Variants in NPNT observed in about 807,000 individuals in gnomAD.
NPNT encodes the protein nephronectin.
A neutral mutation model predicts 68.6 loss-of-function variants in NPNT; 45 were observed. That is an observed-to-expected ratio of 0.66 (90% CI 0.52 to 0.84). The LOEUF is 0.84. Among genes scored for constraint, NPNT ranks in the 40% least tolerant of loss-of-function variants. NPNT has a pLI of 0.00. For synonymous variants in NPNT, 233 were observed against 253.3 expected (o/e 0.92, Z 0.76); for missense variants, 672 against 714.8 (o/e 0.94, Z 0.68).
intron 3 of NPNT, among the ~76,000 whole-genome samples, chr4:105,931,641 G>A (rs530570821): frequency 1.4e-5 from 2 of 144,346 alleles, no homozygotes; most frequent in South Asian, 4.5e-4. Flanking sequence ...TGGCTAACAC[G>A]GTGAAACCCC....
At chr4:105,910,091 A>G (rs1192342589) in intron 2 of NPNT, among the ~76,000 whole-genome samples, 1 of 152,100 alleles carries the variant, frequency 6.6e-6, no homozygotes, top group Admixed American at 6.6e-5. Context: ...TCAGTTCTTT[A>G]AAGTTTCTTA....
In NPNT at chr4:105,959,086, A is replaced by C. The variant is rs1167685704; in HGVS notation, c.1305A>C (p.Lys435Asn). The C allele has an allele frequency of 6.2e-7, 1 of 1,613,686 alleles. No individual in the cohort carries two copies. Among genetic ancestry groups the C allele is most frequent in the Admixed American group, 1.7e-5 (1 of 60,016 alleles). The stretch of plus-strand genomic sequence containing the variant: ...GACTTTGTGGATGGATCAGGGAGAA[A>C]GACAATGACTTGCACTGGGAACCAA... The part of the protein sequence containing the change: ...DHGLCGWIRE[K>N]DNDLHWEPIR... The change falls in exon 10 of 12, where the codon AAA (lysine) becomes AAC (asparagine). Residue 435 changes from lysine to asparagine, a missense_variant. By Grantham distance (94) the Lys-to-Asn change is moderately conservative. Transcript: ENST00000379987.
At chr4:105,903,778 TCTTA>T (rs1464471406) in intron 2 of NPNT, among the ~76,000 whole-genome samples, 2 of 149,678 alleles carry the variant, frequency 1.3e-5, no homozygotes, top group Non-Finnish European at 1.5e-5. Context: ...TTATAGACCT[TCTTA>T]CTTTTTTTTT....
Position 105,906,311 on chromosome 4 carries a change from G to A in NPNT, c.172+8310G>A, listed in dbSNP as rs77693014. Among the ~76,000 whole-genome samples the A allele has an allele frequency of 7.4e-4, 112 of 152,312 alleles. 1 individual carries two copies. The East Asian group carries it at 0.018, about 24-fold the overall frequency. On this transcript the variant is annotated intron_variant, in intron 2 of 11. Coordinates refer to ENST00000379987, the MANE Select transcript of NPNT (RefSeq NM_001033047.3). ...CGAAGACTTTCACGTGGCCCTTTAC[G>A]GAGTGGGAGTGAATGATGGGATGGA...
chr4:105,947,195 G>A (rs1052391597), intron 8 of NPNT, among the ~76,000 whole-genome samples: 3 of 152,144 alleles, frequency 2.0e-5, no homozygotes, highest in African/African-American at 7.2e-5. Flanking sequence ...CCTTATGGTT[G>A]TCTTCCCTTG....
chr4:105,967,195 A>G lies in NPNT; in HGVS notation c.1353A>G (p.Gln451=), dbSNP rs544980902. 22 of 1,613,720 alleles carry G rather than the reference A, an allele frequency of 1.4e-5. No individual in the cohort carries two copies. The highest frequency in any genetic ancestry group is 5.5e-5 in the South Asian group (5 of 91,048). Residue 451 remains glutamine (Q), a synonymous_variant, in exon 11 of 12, where the codon CAA becomes CAG. Transcript: ENST00000379987. The part of the protein sequence containing the change: ...WEPIRDPAGG[Q]YLTVSAAKAP... ...CTGCTTTTCCCATTCCAGGTGGACA[A>G]TATCTGACAGTGTCGGCAGCCAAAG...
At chr4:105,961,621 C>T (rs1044251346) in intron 10 of NPNT, among the ~76,000 whole-genome samples, 2 of 152,116 alleles carry the variant, frequency 1.3e-5, no homozygotes, top group Non-Finnish European at 2.9e-5. Flanking sequence ...CCAAATCTCC[C>T]TTTCTCTCTG....
At chr4:105,911,346 C>G (rs1727347979) in intron 2 of NPNT, among the ~76,000 whole-genome samples, 1 of 151,910 alleles carries the variant, frequency 6.6e-6, no homozygotes, top group African/African-American at 2.4e-5. Context: ...TTATATTACC[C>G]AAAGGAAGGC....
chr4:105,947,344 G>C (rs2149384645), intron 8 of NPNT, among the ~76,000 whole-genome samples: 1 of 152,244 alleles, frequency 6.6e-6, no homozygotes, highest in South Asian at 2.1e-4. Flanking sequence ...AGTTTAAGAA[G>C]ATAATACGAT....
chr4:105,906,486 G>A (rs78712691), intron 2 of NPNT, among the ~76,000 whole-genome samples: 9,960 of 150,556 alleles, frequency 0.066, 798 homozygotes, highest in African/African-American at 0.2. Flanking sequence ...AGCATTATGT[G>A]CATAGCTTTC....
intron 3 of NPNT, among the ~76,000 whole-genome samples, chr4:105,932,188 G>A (rs1310107993): frequency 7.4e-6 from 1 of 135,688 alleles, no homozygotes; most frequent in Non-Finnish European, 1.6e-5. Flanking sequence ...ACGTGATAGT[G>A]TAGGGAAAAA....
intron 3 of NPNT, among the ~76,000 whole-genome samples, chr4:105,931,430 G>T (rs754638312): frequency 6.6e-6 from 1 of 151,990 alleles, no homozygotes; most frequent in African/African-American, 2.4e-5. Context: ...TAATTTTGTG[G>T]ACTAGTTACA....
At chr4:105,959,224 T>G in intron 10 of NPNT, 98 bp downstream of exon 10, 15 of 710,628 alleles carry the variant, frequency 2.1e-5, no homozygotes, top group Non-Finnish European at 3.3e-5. Context: ...AACACATCTC[T>G]GTGTTTACTT....
intron 2 of NPNT, among the ~76,000 whole-genome samples, chr4:105,898,349 TC>T (rs1560881859): frequency 4.4e-5 from 6 of 137,088 alleles, no homozygotes; most frequent in African/African-American, 1.8e-4. Context: ...TCTCTCTCTC[TC>T]TCTCTCTCTC....
intron 2 of NPNT, among the ~76,000 whole-genome samples, chr4:105,907,376 T>G (rs147158911): frequency 0.02 from 3,056 of 152,274 alleles, 104 homozygotes; most frequent in African/African-American, 0.068. Context: ...ATCCAGTAAG[T>G]GTCACATCTC....
chr4:105,963,949 G>T (rs557840924), intron 10 of NPNT, among the ~76,000 whole-genome samples: 1 of 151,944 alleles, frequency 6.6e-6, no homozygotes, highest in African/African-American at 2.4e-5. Flanking sequence ...GGATACAATG[G>T]CATTCTCTTC....
chr4:105,895,950 C>G (rs972232717), intron 1 of NPNT: 194 of 547,332 alleles, frequency 3.5e-4, no homozygotes, highest in Middle Eastern at 1.3e-3. Flanking sequence ...TCCGCGGCCC[C>G]CCGAGGGCGA....
At chr4:105,903,904 C>T (rs1423630778) in intron 2 of NPNT, among the ~76,000 whole-genome samples, 1 of 151,798 alleles carries the variant, frequency 6.6e-6, no homozygotes, top group Non-Finnish European at 1.5e-5. Context: ...CCCACCTCAG[C>T]CTCCTGAGTA....
At position 105,942,346 on chromosome 4, in the gene NPNT, A is replaced by T. The variant is rs765730615; in HGVS notation, c.803A>T (p.His268Leu). ...KVMIEPSGPI[H>L]VPKGNGTILK... ...ATGATTGAACCTTCAGGTCCAATTC[A>T]TGTACCAAAGGGAAATGGTACCATT... The change falls in exon 8 of 12, where the codon CAT (histidine) becomes CTT (leucine). Residue 268 changes from histidine to leucine, a missense_variant. By Grantham distance (99) the His-to-Leu change is moderately conservative. Transcript: ENST00000379987. The T allele has an allele frequency of 6.2e-7, 1 of 1,610,980 alleles. No homozygotes were observed. Among genetic ancestry groups the T allele is most frequent in the Non-Finnish European group, 8.5e-7 (1 of 1,177,674 alleles).
Sources: allele counts gnomAD v4.1 joint callset (sites outside exome capture counted in the v4.1 genomes callset), GRCh38; gene constraint gnomAD v4.1.1; transcripts MANE v1.5; gene names NCBI Gene and HGNC (gene_info 2026-07-23, HGNC 2026-07-21).